Variants in ALDH9A1 observed in about 807,000 individuals in gnomAD.
The protein encoded by ALDH9A1 is aldehyde dehydrogenase 9 family member A1, also known as 4-trimethylaminobutyraldehyde dehydrogenase.
Under a neutral mutation model 56.6 loss-of-function variants are expected in ALDH9A1, and 42 were observed. The ratio of observed to expected loss-of-function variants is 0.74; its 90% CI spans 0.58 to 0.96. The LOEUF is 0.96. ALDH9A1 is among the 40% of genes least tolerant of loss of function. ALDH9A1 has a pLI of 0.00. For synonymous variants in ALDH9A1, 242 were observed against 236.0 expected, an observed-to-expected ratio of 1.03 and a Z score of -0.23; for missense variants, 661 against 651.5, an observed-to-expected ratio of 1.01 and a Z score of -0.16.
At chr1:165,674,426 C>A (rs1571170704) in intron 6 of ALDH9A1, among the ~76,000 whole-genome samples, 2 of 151,668 alleles carry the variant, frequency 1.3e-5, no homozygotes, top group East Asian at 3.9e-4. Flanking sequence ...GCGGCTCATG[C>A]CTGCAATCCC....
intron 2 of ALDH9A1, among the ~76,000 whole-genome samples, chr1:165,689,676 G>A (rs1400932838): frequency 6.6e-6 from 1 of 152,140 alleles, no homozygotes; most frequent in Admixed American, 6.6e-5. Context: ...GCTCATGCCT[G>A]TAATCCCAGC....
rs185342893 is a variant in ALDH9A1 at position 165,665,061 on chromosome 1, G to T, written c.1419C>A (p.Asn473Lys). The stretch of plus-strand genomic sequence containing the variant: ...CAAAGGGCAACTCCACTGGGCTGAC[G>T]TTATAGTTGTTAATGAAGCACGTCC... The part of the protein sequence containing the change: ...QAGTCFINNY[N>K]VSPVELPFGG... The change falls in exon 10 of 11, where the codon AAC becomes AAA. Residue 473 changes from asparagine to lysine, a missense_variant. Asn to Lys is a moderately conservative substitution (Grantham distance 94). Coordinates refer to ENST00000354775, the MANE Select transcript of ALDH9A1 (RefSeq NM_000696.4). The T allele has an allele frequency of 6.2e-7, 1 of 1,613,824 alleles. No homozygotes were observed. Among genetic ancestry groups the T allele is most frequent in the Non-Finnish European group, 8.5e-7 (1 of 1,179,892 alleles).
intron 9 of ALDH9A1, 108 bp downstream of exon 9, chr1:165,667,201 G>A: frequency 7.1e-7 from 1 of 1,416,434 alleles, no homozygotes; most frequent in Non-Finnish European, 9.5e-7. Flanking sequence ...AGTGCTGATG[G>A]CTCCTATGAG....
intron 6 of ALDH9A1, among the ~76,000 whole-genome samples, chr1:165,675,008 C>T (rs895859441): frequency 2.0e-5 from 3 of 152,118 alleles, no homozygotes; most frequent in Non-Finnish European, 4.4e-5. Context: ...GCCTGGCCAA[C>T]ATGGTGAAAC....
chr1:165,664,787 C>A (rs1558000845), intron 10 of ALDH9A1, among the ~76,000 whole-genome samples: 2 of 152,264 alleles, frequency 1.3e-5, no homozygotes, highest in East Asian at 1.9e-4. Context: ...AGTTCACAAG[C>A]CAGGCTATAC....
At chr1:165,682,857 G>C in intron 3 of ALDH9A1, 124 bp downstream of exon 3, 1 of 1,116,250 alleles carries the variant, frequency 9.0e-7, no homozygotes, top group Non-Finnish European at 1.2e-6. Context: ...CACCCAGGTA[G>C]AAAGTGACAA....
In ALDH9A1 at chr1:165,686,656, T is replaced by C. The variant is rs150143898; in HGVS notation, c.328-3546A>G. Among the ~76,000 whole-genome samples the C allele has an allele frequency of 1.6e-3, 236 of 152,256 alleles. 2 individuals are homozygous for C. The highest frequency in any genetic ancestry group is 5.4e-3 in the African/African-American group (224 of 41,540). On this transcript the variant is annotated intron_variant, in intron 2 of 10. Transcript: ENST00000354775. ...TATTGAATAACATGGCGAAATTTGC[T>C]GATCTAAAAGCAAATCTTCCAAGGA...
intron 1 of ALDH9A1, among the ~76,000 whole-genome samples, chr1:165,696,736 A>G (rs531039402): frequency 9.2e-5 from 14 of 152,322 alleles, no homozygotes; most frequent in Admixed American, 7.2e-4. Context: ...CCTCTTCACA[A>G]GAACTCCTGG....
chr1:165,673,885 C>T (rs983746470), intron 6 of ALDH9A1, among the ~76,000 whole-genome samples: 1 of 151,984 alleles, frequency 6.6e-6, no homozygotes, highest in South Asian at 2.1e-4. Flanking sequence ...AAGGCTGGGA[C>T]GTACTGGACT....
intron 2 of ALDH9A1, among the ~76,000 whole-genome samples, chr1:165,685,257 C>T (rs997364580): frequency 6.6e-6 from 1 of 152,070 alleles, no homozygotes; most frequent in African/African-American, 2.4e-5. Context: ...GATTAGAAGC[C>T]AAGAGTAGGT....
chr1:165,669,015 T>G lies in ALDH9A1; in HGVS notation c.1120-2A>C. ...TCCACCACATAACACTTTAGCACCC[T>G]GCCGAAAAGGAAAAAAGATATGTTG... On this transcript the variant is annotated splice_acceptor_variant, in intron 7 of 10. Coordinates refer to ENST00000354775, the MANE Select transcript of ALDH9A1 (RefSeq NM_000696.4). LOFTEE classifies it high-confidence loss of function. The G allele has an allele frequency of 6.3e-7, 1 of 1,585,992 alleles. No individual in the cohort carries two copies. The highest frequency in any genetic ancestry group is 8.5e-7 in the Non-Finnish European group (1 of 1,169,832).
intron 4 of ALDH9A1, 104 bp downstream of exon 4, chr1:165,682,003 A>T (rs1174962331): frequency 1.4e-6 from 2 of 1,474,882 alleles, no homozygotes; most frequent in Non-Finnish European, 1.8e-6. Context: ...GCCCCTTCCG[A>T]TTTAAAGTGT....
intron 6 of ALDH9A1, among the ~76,000 whole-genome samples, chr1:165,674,389 T>A (rs1485764663): frequency 6.8e-6 from 1 of 147,668 alleles, no homozygotes; most frequent in African/African-American, 2.5e-5. Context: ...AGGGGCTCTT[T>A]AAAAAATTAA....
intron 6 of ALDH9A1, chr1:165,676,742 A>G: frequency 2.0e-6 from 1 of 509,612 alleles, no homozygotes; most frequent in Non-Finnish European, 3.9e-6. Context: ...AACGGGAAGG[A>G]GCCTGAGCTG....
chr1:165,693,345 C>T (rs1038748657), intron 2 of ALDH9A1, among the ~76,000 whole-genome samples: 2 of 152,124 alleles, frequency 1.3e-5, no homozygotes, highest in Non-Finnish European at 2.9e-5. Flanking sequence ...CCAGAATCTA[C>T]AATGAACTTA....
chr1:165,676,612 T>A (rs377591357), intron 6 of ALDH9A1: 13 of 312,978 alleles, frequency 4.2e-5, no homozygotes, highest in Non-Finnish European at 7.2e-5. Context: ...AGACCCAAGA[T>A]AGCTTCTGAA....
intron 3 of ALDH9A1, 60 bp from the exon 4 acceptor site, chr1:165,682,301 C>A (rs1372117193): frequency 1.9e-6 from 3 of 1,568,068 alleles, no homozygotes; most frequent in Non-Finnish European, 2.6e-6. Flanking sequence ...ATTTCACCAA[C>A]ATCTGTACCA....
At chr1:165,676,658 C>A (rs967625364) in intron 6 of ALDH9A1, 5 of 372,972 alleles carry the variant, frequency 1.3e-5, no homozygotes, top group Admixed American at 3.5e-5. Flanking sequence ...AAGAAGGAAG[C>A]CAAAGAGAAA....
At chr1:165,686,461 G>C (rs1176177556) in intron 2 of ALDH9A1, among the ~76,000 whole-genome samples, 2 of 150,992 alleles carry the variant, frequency 1.3e-5, no homozygotes, top group Non-Finnish European at 2.9e-5. Context: ...GTACCAGTGT[G>C]AGAAAACTAC....
Sources: allele counts gnomAD v4.1 joint callset (sites outside exome capture counted in the v4.1 genomes callset), GRCh38; gene constraint gnomAD v4.1.1; transcripts MANE v1.5; gene names NCBI Gene and HGNC (gene_info 2026-07-23, HGNC 2026-07-21).